TEX9: variants seen among roughly 807,000 people sequenced by gnomAD.
TEX9 encodes the protein testis expressed 9, also known as testis-expressed protein 9.
In TEX9, 74 loss-of-function variants were observed where a neutral mutation model predicts 59.6. The ratio of observed to expected loss-of-function variants is 1.24; its 90% CI spans 1.03 to 1.51. The LOEUF (loss-of-function observed/expected upper bound fraction) is 1.51, where lower values mean the gene tolerates loss of function less well. Ranked by LOEUF, TEX9 falls within the 40% of genes most tolerant of loss-of-function variation. The pLI, the probability that TEX9 is intolerant of heterozygous loss-of-function variation, is 0.00. For missense variants in TEX9, 522 were observed against 447.8 expected (o/e 1.17, Z -1.49); for synonymous variants, 186 against 152.2 (o/e 1.22, Z -1.64).
At chr15:56,452,353 G>A in the TEX9 span, among the ~76,000 whole-genome samples, 1 of 152,116 alleles carries the variant, frequency 6.6e-6, no homozygotes, top group Non-Finnish European at 1.5e-5. Flanking sequence ...GAGTTGTGAC[G>A]TGTGAAATGC....
chr15:56,270,500 A>G (rs1038984604), intron 1 of TEX9, among the ~76,000 whole-genome samples: 6 of 152,120 alleles, frequency 3.9e-5, no homozygotes, highest in Non-Finnish European at 7.4e-5. Flanking sequence ...CGTTTGCTTG[A>G]TAGATCTTCC....
intron 10 of TEX9, among the ~76,000 whole-genome samples, chr15:56,417,614 GGTCA>G (rs1291923584): frequency 6.6e-6 from 1 of 151,736 alleles, no homozygotes; most frequent in African/African-American, 2.4e-5. Flanking sequence ...CCAATTATGT[GGTCA>G]GTTTTAGAGT....
intron 1 of TEX9, among the ~76,000 whole-genome samples, chr15:56,264,529 C>T (rs1440638190): frequency 6.6e-6 from 1 of 152,114 alleles, no homozygotes; most frequent in Non-Finnish European, 1.5e-5. Flanking sequence ...CAGTCTGTTG[C>T]TTGTCTTTAA....
At chr15:56,453,074 A>G in the TEX9 span, among the ~76,000 whole-genome samples, 1 of 152,182 alleles carries the variant, frequency 6.6e-6, no homozygotes, top group African/African-American at 2.4e-5. Context: ...TACAGATATT[A>G]CAGCATGTTT....
intron 1 of TEX9, among the ~76,000 whole-genome samples, chr15:56,275,750 G>GAACTGTACTAATGTCTTTTCTAAAA (rs2044652391): frequency 6.6e-6 from 1 of 151,706 alleles, no homozygotes; most frequent in Non-Finnish European, 1.5e-5. Context: ...TAACTTTTCT[G>GAACTGTACTAATGTCTTTTCTAAAA]AACTGTACTT....
At chr15:56,415,467 T>C (rs539404842) in intron 10 of TEX9, among the ~76,000 whole-genome samples, 1 of 152,068 alleles carries the variant, frequency 6.6e-6, no homozygotes, top group Admixed American at 6.5e-5. Context: ...TAGCCAGTTA[T>C]CCCAGCACCA....
chr15:56,315,250 G>T (rs1418823930), intron 1 of TEX9, among the ~76,000 whole-genome samples: 1 of 136,492 alleles, frequency 7.3e-6, no homozygotes, highest in Non-Finnish European at 1.6e-5. Context: ...TAGTCTCAAT[G>T]GTCTTTACAT....
intron 1 of TEX9, among the ~76,000 whole-genome samples, chr15:56,315,730 A>G (rs1199499195): frequency 2.8e-5 from 4 of 145,012 alleles, no homozygotes; most frequent in African/African-American, 9.9e-5. Flanking sequence ...CTCCTGGATA[A>G]TATCCTGCAG....
chr15:56,412,558 G>A (rs2049411532), intron 10 of TEX9, 122 bp downstream of exon 10: 4 of 1,122,272 alleles, frequency 3.6e-6, no homozygotes, highest in South Asian at 1.7e-5. Context: ...TCTCTTTTCA[G>A]AAGAAATATA....
chr15:56,358,374 A>G (rs1279466245), intron 1 of TEX9, among the ~76,000 whole-genome samples: 4 of 150,764 alleles, frequency 2.7e-5, no homozygotes, highest in African/African-American at 7.3e-5. Flanking sequence ...GTCGTTGTGC[A>G]GTGGAAGGGT....
intron 12 of TEX9, chr15:56,430,057 T>C (rs1048538025): frequency 6.6e-6 from 1 of 152,232 alleles, no homozygotes; most frequent in African/African-American, 2.4e-5. Flanking sequence ...ATTACCTATA[T>C]ATCTTTTTCC....
At chr15:56,274,101 A>G (rs1345953241) in intron 1 of TEX9, among the ~76,000 whole-genome samples, 1 of 152,100 alleles carries the variant, frequency 6.6e-6, no homozygotes, top group East Asian at 1.9e-4. Flanking sequence ...CCTATGTAGG[A>G]TTACCATTCT....
At chr15:56,325,953 T>C in intron 1 of TEX9, among the ~76,000 whole-genome samples, 1 of 152,166 alleles carries the variant, frequency 6.6e-6, no homozygotes, top group East Asian at 1.9e-4. Flanking sequence ...GGTCTGATAA[T>C]GAACATACGG....
downstream of TEX9, among the ~76,000 whole-genome samples, chr15:56,447,849 C>G (rs985866403): frequency 2.0e-5 from 3 of 152,146 alleles, no homozygotes; most frequent in African/African-American, 7.2e-5. Context: ...AGCTAATTTG[C>G]TGTCACCTTA....
At chr15:56,285,714 G>A (rs895778206) in intron 1 of TEX9, among the ~76,000 whole-genome samples, 1 of 152,126 alleles carries the variant, frequency 6.6e-6, no homozygotes. Context: ...TTCAGTATGA[G>A]CATTAGTTTA....
intron 1 of TEX9, among the ~76,000 whole-genome samples, chr15:56,309,709 T>A (rs948136840): frequency 2.3e-5 from 3 of 132,512 alleles, no homozygotes; most frequent in Non-Finnish European, 3.4e-5. Flanking sequence ...TTTTTTTTTT[T>A]TTTTTTTTTT....
At chr15:56,424,696 TA>T (rs1190283622) in intron 10 of TEX9, among the ~76,000 whole-genome samples, 7 of 152,202 alleles carry the variant, frequency 4.6e-5, no homozygotes, top group African/African-American at 1.7e-4. Context: ...TTAGGTTATG[TA>T]CCCATTAACA....
At chr15:56,442,477 T>C (rs536136115) in intron 12 of TEX9, among the ~76,000 whole-genome samples, 1 of 152,280 alleles carries the variant, frequency 6.6e-6, no homozygotes, top group East Asian at 1.9e-4. Flanking sequence ...GGCAAAGATA[T>C]GGAATCCACC....
At position 56,322,151 on chromosome 15, in the gene TEX9, A is replaced by G. The variant is rs190935665; in HGVS notation, c.-106-51290A>G. ...TGTCCAAAGGAAAAGCAAGCAGAAAAGGAGTGGAAATGAGCTTCAGGTCTG... is the reference window on the plus strand; with the variant it reads ...TGTCCAAAGGAAAAGCAAGCAGAAAGGGAGTGGAAATGAGCTTCAGGTCTG... On this transcript the variant is annotated intron_variant, in intron 1 of 5. Transcript: ENST00000560827. 2.5e-4 allele frequency among the ~76,000 whole-genome samples: 38 copies of G among 152,164 alleles called. No homozygotes were observed. The East Asian group carries it at 7.4e-3, about 29-fold the overall frequency.
Sources: allele counts gnomAD v4.1 joint callset (sites outside exome capture counted in the v4.1 genomes callset), GRCh38; gene constraint gnomAD v4.1.1; transcripts MANE v1.5; gene names NCBI Gene and HGNC (gene_info 2026-07-23, HGNC 2026-07-21).